Variants in MGAT5 observed in about 807,000 individuals in gnomAD.
MGAT5 encodes the protein alpha-1,6-mannosylglycoprotein 6-beta-N-acetylglucosaminyltransferase.
MGAT5 carries 30 observed loss-of-function variants against 94.3 expected under a neutral mutation model. The observed-to-expected ratio is 0.32, with a 90% CI of 0.24 to 0.43. The LOEUF (loss-of-function observed/expected upper bound fraction) is 0.43, where lower values mean the gene tolerates loss of function less well. MGAT5 is among the 20% of genes least tolerant of loss of function. The pLI is 1.00. For missense variants in MGAT5, 691 were observed against 905.5 expected (o/e 0.76, Z 3.04); for synonymous variants, 310 against 322.9 (o/e 0.96, Z 0.43).
At chr2:134,264,736 T>C (rs1683583623) in intron 1 of MGAT5, among the ~76,000 whole-genome samples, 1 of 151,944 alleles carries the variant, frequency 6.6e-6, no homozygotes, top group Non-Finnish European at 1.5e-5. Flanking sequence ...AAATAAGAGG[T>C]TGAGGTTAAT....
chr2:134,132,583 G>T (rs1220271594), intron 1 of MGAT5, among the ~76,000 whole-genome samples: 1 of 152,236 alleles, frequency 6.6e-6, no homozygotes, highest in Non-Finnish European at 1.5e-5. Context: ...TTCTTCTGTT[G>T]TTTATGGCTA....
At chr2:134,127,053 T>C (rs1685873015) in intron 1 of MGAT5, 1 of 154,722 alleles carries the variant, frequency 6.5e-6, no homozygotes, top group African/African-American at 2.4e-5. Flanking sequence ...GGCACCTTTC[T>C]TAGTATTTGT....
intron 1 of MGAT5, among the ~76,000 whole-genome samples, chr2:134,188,403 A>G (rs1328380153): frequency 6.6e-6 from 1 of 152,144 alleles, no homozygotes; most frequent in African/African-American, 2.4e-5. Flanking sequence ...TCCCTTAACC[A>G]CTTTATGCCT....
chr2:134,240,434 T>TA (rs1681916793), intron 1 of MGAT5, among the ~76,000 whole-genome samples: 1 of 152,068 alleles, frequency 6.6e-6, no homozygotes. Context: ...TGATCTCCCC[T>TA]TAAGACGGAA....
intron 1 of MGAT5, among the ~76,000 whole-genome samples, chr2:134,139,120 A>G (rs1686549261): frequency 1.3e-5 from 2 of 152,344 alleles, no homozygotes; most frequent in African/African-American, 2.4e-5. Flanking sequence ...AGAAATGTCT[A>G]CTAGAGATCT....
At chr2:134,428,794 T>A (rs748900477) in intron 14 of MGAT5, among the ~76,000 whole-genome samples, 9 of 152,356 alleles carry the variant, frequency 5.9e-5, no homozygotes, top group Non-Finnish European at 1.2e-4. Context: ...TTCTAAGCAT[T>A]ATTTTAATAA....
At chr2:134,334,640 C>A (rs1031729081) in intron 4 of MGAT5, among the ~76,000 whole-genome samples, 1 of 151,020 alleles carries the variant, frequency 6.6e-6, no homozygotes, top group African/African-American at 2.4e-5. Flanking sequence ...CTAATTGGAG[C>A]TAAATAATTC....
At chr2:134,196,031 C>T (rs545344717) in intron 1 of MGAT5, among the ~76,000 whole-genome samples, 1 of 152,288 alleles carries the variant, frequency 6.6e-6, no homozygotes, top group South Asian at 2.1e-4. Context: ...CCTCATGAAA[C>T]TAAAAGCAAC....
rs373564470 is a variant in MGAT5 at position 134,241,703 on chromosome 2, C to T, written c.-142-12559C>T. On this transcript the variant is annotated intron_variant, in intron 1 of 16. Transcript: ENST00000409645. ...ATTATGACTTTAATATCCTATCTTT[C>T]TCATATATATGTAAACACTGAGAAA... Among the ~76,000 whole-genome samples, 29 of 152,224 alleles carry T rather than the reference C, an allele frequency of 1.9e-4. No homozygotes were observed. The South Asian group carries it at 6.0e-3, about 32-fold the overall frequency.
intron 1 of MGAT5, among the ~76,000 whole-genome samples, chr2:134,228,562 A>G (rs1681184255): frequency 6.6e-6 from 1 of 152,142 alleles, no homozygotes. Context: ...GGCCTCTTGA[A>G]TATTTTTCCT....
chr2:134,238,672 G>C (rs1057440479), intron 1 of MGAT5, among the ~76,000 whole-genome samples: 2 of 152,208 alleles, frequency 1.3e-5, no homozygotes, highest in African/African-American at 4.8e-5. Flanking sequence ...GGCCAAGCGT[G>C]GTGGCTCACT....
In MGAT5 at chr2:134,144,730, C is replaced by T. The variant is rs75377543; in HGVS notation, c.-143+24439C>T. 0.023 allele frequency among the ~76,000 whole-genome samples: 3,497 copies of T among 152,158 alleles called. 301 individuals are homozygous for T. The East Asian group carries it at 0.27, about 12-fold the overall frequency. ...ACATGTTTTTAATTTTAAAATAAGT[C>T]ATATATATTAGGGATGCATGCTCAT... is the stretch of plus-strand genomic sequence containing the variant. On this transcript the variant is annotated intron_variant, in intron 1 of 16. Transcript: ENST00000409645.
intron 2 of MGAT5, among the ~76,000 whole-genome samples, chr2:134,297,450 C>G (rs1398594420): frequency 6.6e-6 from 1 of 152,090 alleles, no homozygotes; most frequent in Non-Finnish European, 1.5e-5. Flanking sequence ...CACAAGTGAA[C>G]AACAGACCAT....
chr2:134,349,967 C>G (rs1268298982), intron 9 of MGAT5, 29 bp downstream of exon 9: 1 of 1,610,998 alleles, frequency 6.2e-7, no homozygotes, highest in Non-Finnish European at 8.5e-7. Context: ...TGTATGCTTT[C>G]CAGAATGCCA....
intron 10 of MGAT5, among the ~76,000 whole-genome samples, chr2:134,385,926 T>C (rs114419089): frequency 0.011 from 1,660 of 152,260 alleles, 20 homozygotes; most frequent in South Asian, 0.033. Flanking sequence ...ATATTGGTTC[T>C]AATAGAGTGG....
chr2:134,410,751 T>C (rs1256949388), intron 11 of MGAT5, among the ~76,000 whole-genome samples: 1 of 152,238 alleles, frequency 6.6e-6, no homozygotes, highest in Non-Finnish European at 1.5e-5. Flanking sequence ...CCTCCAAAGC[T>C]GTTCTTTGAA....
At chr2:134,120,497 C>G (rs1482629252) in intron 1 of MGAT5, among the ~76,000 whole-genome samples, 1 of 151,702 alleles carries the variant, frequency 6.6e-6, no homozygotes, top group Non-Finnish European at 1.5e-5. Context: ...CTGCAGGACG[C>G]CGGAGTGGAG....
At chr2:134,387,332 A>ATATATATATATATATATATTTTTTTT in intron 10 of MGAT5, among the ~76,000 whole-genome samples, 2 of 24,262 alleles carry the variant, frequency 8.2e-5, no homozygotes, top group African/African-American at 4.0e-4. Context: ...ATATATATAT[A>ATATATATATATATATATATTTTTTTT]TTTTTTTTTT....
chr2:134,289,412 C>T (rs1466889110), intron 2 of MGAT5, among the ~76,000 whole-genome samples: 4 of 152,180 alleles, frequency 2.6e-5, no homozygotes, highest in African/African-American at 9.7e-5. Context: ...CAGCCAGCTG[C>T]TTCCTGCCAG....
Sources: allele counts gnomAD v4.1 joint callset (sites outside exome capture counted in the v4.1 genomes callset), GRCh38; gene constraint gnomAD v4.1.1; transcripts MANE v1.5; gene names NCBI Gene and HGNC (gene_info 2026-07-23, HGNC 2026-07-21).